Variants in SV2C observed in about 807,000 individuals in gnomAD.
The protein encoded by SV2C is synaptic vesicle glycoprotein 2C, also known as solute carrier family 22 member B3.
A neutral mutation model predicts 79.7 loss-of-function variants in SV2C; 49 were observed. That is an observed-to-expected ratio of 0.61 (90% confidence interval 0.49 to 0.78). SV2C has a LOEUF of 0.78. SV2C is among the 30% of genes least tolerant of loss of function. The pLI is 0.00. For synonymous variants in SV2C, 334 were observed against 333.2 expected (o/e 1.00, Z -0.03); for missense variants, 833 against 912.9 (o/e 0.91, Z 1.13).
intron 2 of SV2C, among the ~76,000 whole-genome samples, chr5:76,146,812 A>AAAAC (rs1580305479): frequency 6.7e-6 from 1 of 150,042 alleles, no homozygotes; most frequent in East Asian, 1.9e-4. Flanking sequence ...AAAAAAAAAA[A>AAAAC]AAAAAAAAGC....
chr5:75,970,681 A>AATAGCTT, the SV2C span, among the ~76,000 whole-genome samples: 3 of 152,180 alleles, frequency 2.0e-5, no homozygotes, highest in Non-Finnish European at 2.9e-5. Context: ...GGCAATAATT[A>AATAGCTT]ATAGCTTACC....
chr5:75,925,856 T>C, the SV2C span, among the ~76,000 whole-genome samples: 10 of 152,126 alleles, frequency 6.6e-5, no homozygotes, highest in African/African-American at 2.4e-4. Flanking sequence ...TGGTTTATCA[T>C]CTACCTGCAA....
chr5:76,201,199 G>A (rs753749230), intron 3 of SV2C, among the ~76,000 whole-genome samples: 3 of 152,150 alleles, frequency 2.0e-5, no homozygotes, highest in Non-Finnish European at 4.4e-5. Context: ...TTTCCTAAAC[G>A]AATCTCACAC....
chr5:76,305,949 C>A (rs1006322666), intron 12 of SV2C, among the ~76,000 whole-genome samples: 1 of 152,154 alleles, frequency 6.6e-6, no homozygotes, highest in Non-Finnish European at 1.5e-5. Context: ...GTTGGTTTTT[C>A]TGGAGACCAG....
the SV2C span, among the ~76,000 whole-genome samples, chr5:75,977,012 C>CA: frequency 6.6e-6 from 1 of 151,800 alleles, no homozygotes; most frequent in African/African-American, 2.4e-5. Context: ...ACAAATGAAA[C>CA]AGAAATGACA....
chr5:75,878,997 G>A, the SV2C span, among the ~76,000 whole-genome samples: 1 of 152,152 alleles, frequency 6.6e-6, no homozygotes, highest in Non-Finnish European at 1.5e-5. Context: ...GTGAGAATGG[G>A]AGCAAGAAAG....
the SV2C span, among the ~76,000 whole-genome samples, chr5:75,879,030 T>C: frequency 6.6e-6 from 1 of 152,202 alleles, no homozygotes; most frequent in Non-Finnish European, 1.5e-5. Flanking sequence ...TGTGTCACTT[T>C]TAAACAACCA....
intron 8 of SV2C, among the ~76,000 whole-genome samples, chr5:76,295,303 G>A (rs1352768922): frequency 1.3e-5 from 2 of 152,106 alleles, no homozygotes; most frequent in South Asian, 2.1e-4. Context: ...TAGAAGGGAT[G>A]GAAGGGAAAA....
At chr5:76,245,237 A>G (rs933580147) in intron 4 of SV2C, among the ~76,000 whole-genome samples, 2 of 152,304 alleles carry the variant, frequency 1.3e-5, no homozygotes, top group South Asian at 2.1e-4. Context: ...CAGATTCCCA[A>G]TAAATTTTGT....
At chr5:75,945,003 A>G in the SV2C span, among the ~76,000 whole-genome samples, 1 of 152,152 alleles carries the variant, frequency 6.6e-6, no homozygotes, top group African/African-American at 2.4e-5. Flanking sequence ...AAACCCACAC[A>G]AAAATCCAGG....
intron 2 of SV2C, among the ~76,000 whole-genome samples, chr5:76,167,908 A>T (rs182611155): frequency 6.6e-6 from 1 of 152,330 alleles, no homozygotes; most frequent in East Asian, 1.9e-4. Flanking sequence ...TCAGGAGCTC[A>T]GTATGTGGGG....
chr5:76,082,033 C>T (rs1016403246), upstream of SV2C: 1 of 152,298 alleles, frequency 6.6e-6, no homozygotes, highest in South Asian at 2.1e-4. Context: ...GGAACACATT[C>T]GCGGAGAGAT....
chr5:76,032,179 G>T, the SV2C span, among the ~76,000 whole-genome samples: 2 of 151,818 alleles, frequency 1.3e-5, no homozygotes, highest in Non-Finnish European at 2.9e-5. Context: ...ACTGATACAT[G>T]CAAGAAAATA....
intron 1 of SV2C, among the ~76,000 whole-genome samples, chr5:76,094,069 ACT>A (rs1055698530): frequency 4.6e-5 from 7 of 152,200 alleles, no homozygotes; most frequent in Non-Finnish European, 8.8e-5. Context: ...AAATGGTGAG[ACT>A]CTGTAAATAA....
chr5:76,258,133 T>G (rs1041794652), intron 4 of SV2C, among the ~76,000 whole-genome samples: 4 of 118,988 alleles, frequency 3.4e-5, no homozygotes, highest in African/African-American at 6.7e-5. Context: ...GTATATGGGG[T>G]GTGTGTGTGT....
the SV2C span, among the ~76,000 whole-genome samples, chr5:75,876,434 A>AAG: frequency 1.1e-4 from 16 of 152,036 alleles, no homozygotes; most frequent in Non-Finnish European, 2.4e-4. Context: ...GTAGGGTGGG[A>AAG]AGAGAGAGAG....
At chr5:76,079,511 A>G (rs1746947613), upstream of SV2C, 2 of 288,312 alleles carry the variant, frequency 6.9e-6, no homozygotes, top group South Asian at 4.5e-5. Flanking sequence ...AGCTGTTCCA[A>G]TCTCCACATC....
At chr5:76,033,848 A>T in the SV2C span, among the ~76,000 whole-genome samples, 2 of 151,532 alleles carry the variant, frequency 1.3e-5, no homozygotes, top group Non-Finnish European at 2.9e-5. Flanking sequence ...CAGTATGGCC[A>T]TTTTCACGAT....
chr5:76,011,915 C>T, the SV2C span, among the ~76,000 whole-genome samples: 65,958 of 152,012 alleles, frequency 0.43, 17,105 homozygotes, highest in Middle Eastern at 0.59. Context: ...TCAGCTTCAT[C>T]GATGTCGCTG....
Sources: allele counts gnomAD v4.1 joint callset (sites outside exome capture counted in the v4.1 genomes callset), GRCh38; gene constraint gnomAD v4.1.1; transcripts MANE v1.5; gene names NCBI Gene and HGNC (gene_info 2026-07-23, HGNC 2026-07-21).